GLIS1: variants seen among roughly 807,000 people sequenced by gnomAD.
The protein encoded by GLIS1 is zinc finger protein GLIS1.
GLIS1 carries 24 observed loss-of-function variants against 63.8 expected under a neutral mutation model. That is an observed-to-expected ratio of 0.38 (90% CI 0.27 to 0.53). The LOEUF (loss-of-function observed/expected upper bound fraction) is 0.53, where lower values mean the gene tolerates loss of function less well. Among genes scored for constraint, GLIS1 ranks in the 20% least tolerant of loss-of-function variants. GLIS1 has a pLI of 0.85. For synonymous variants in GLIS1, 450 were observed against 482.5 expected (o/e 0.93, Z 0.88); for missense variants, 1,036 against 1,074.1 (o/e 0.96, Z 0.50).
intron 4 of GLIS1, among the ~76,000 whole-genome samples, chr1:53,592,399 G>C (rs754942866): frequency 6.6e-6 from 1 of 152,118 alleles, no homozygotes; most frequent in Non-Finnish European, 1.5e-5. Flanking sequence ...AGGTTCCTTC[G>C]GGTCACAGAG....
chr1:53,594,861 GC>G lies in GLIS1; in HGVS notation c.566del (p.Gly189AlafsTer49). 1 of 1,585,694 alleles carries G rather than the reference GC, an allele frequency of 6.3e-7. No individual in the cohort carries two copies. The highest frequency in any genetic ancestry group is 1.1e-5 in the South Asian group (1 of 87,482). On this transcript the variant is annotated frameshift_variant, in exon 4 of 11. Coordinates refer to ENST00000628545, the MANE Select transcript of GLIS1 (RefSeq NM_001367484.1). LOFTEE classifies it high-confidence loss of function. Reference sequence around the variant, plus strand: ...CTGGGTGCAGGCCAGTGGCCAGCGGGCCCCGACAGTGGGCAGACAGGGATGT... The same window carrying G: ...CTGGGTGCAGGCCAGTGGCCAGCGGGCCCGACAGTGGGCAGACAGGGATGT... ...ARTSLSAHCR[G>X]PLATGLHPDL...
rs866910314 is a variant in GLIS1 at position 53,581,339 on chromosome 1, C to T, written c.1320+12769G>A. The stretch of plus-strand genomic sequence containing the variant: ...CACGACCCTGTGAGCTGCTGCAAAA[C>T]CCCCCACTTCATAGGACAAGAGTCC... On this transcript the variant is annotated intron_variant, in intron 4 of 10. Coordinates refer to ENST00000628545, the MANE Select transcript of GLIS1 (RefSeq NM_001367484.1). 2.6e-5 allele frequency among the ~76,000 whole-genome samples: 4 copies of T among 152,102 alleles called. No homozygotes were observed. In the South Asian group the frequency reaches 6.2e-4, roughly 24 times the overall value.
intron 4 of GLIS1, among the ~76,000 whole-genome samples, chr1:53,558,681 C>G (rs999562513): frequency 2.0e-5 from 3 of 152,218 alleles, no homozygotes; most frequent in Admixed American, 2.0e-4. Context: ...GTGCCCAGCA[C>G]CTGCCCATGG....
chr1:53,659,803 C>A (rs1404949628), intron 2 of GLIS1, among the ~76,000 whole-genome samples: 3 of 152,208 alleles, frequency 2.0e-5, no homozygotes, highest in Non-Finnish European at 4.4e-5. Flanking sequence ...GTAACAGATC[C>A]CACCTCAGTG....
chr1:53,565,491 TA>T (rs966082595), intron 4 of GLIS1, among the ~76,000 whole-genome samples: 2 of 151,772 alleles, frequency 1.3e-5, no homozygotes, highest in African/African-American at 4.8e-5. Context: ...TAATTTTTTT[TA>T]AAAAAGAAGG....
chr1:53,515,248 T>A (rs573746535), intron 7 of GLIS1, among the ~76,000 whole-genome samples: 1 of 151,754 alleles, frequency 6.6e-6, no homozygotes, highest in Non-Finnish European at 1.5e-5. Flanking sequence ...AGCTTGAGAG[T>A]AGACAGCAGC....
chr1:53,596,223 C>T (rs1645253959), intron 3 of GLIS1, among the ~76,000 whole-genome samples: 2 of 152,314 alleles, frequency 1.3e-5, no homozygotes, highest in Middle Eastern at 3.4e-3. Flanking sequence ...GGAGGCCAGG[C>T]TTAAATAACA....
intron 4 of GLIS1, among the ~76,000 whole-genome samples, chr1:53,537,357 G>A (rs533064367): frequency 2.0e-5 from 3 of 152,356 alleles, no homozygotes; most frequent in East Asian, 1.9e-4. Context: ...CTGGCGTGCC[G>A]CTGGCACTAG....
At chr1:53,733,696 ACC>A (rs1168534737) in intron 2 of GLIS1, among the ~76,000 whole-genome samples, 3 of 152,110 alleles carry the variant, frequency 2.0e-5, no homozygotes, top group Non-Finnish European at 4.4e-5. Context: ...CTCATTTTTT[ACC>A]CACACACATA....
At chr1:53,507,516 G>A (rs559930619) in intron 10 of GLIS1, among the ~76,000 whole-genome samples, 5 of 152,314 alleles carry the variant, frequency 3.3e-5, no homozygotes, top group African/African-American at 9.6e-5. Context: ...GCCCCTGCCC[G>A]AAAGGCCTGC....
At chr1:53,662,052 G>A (rs549420266) in intron 2 of GLIS1, among the ~76,000 whole-genome samples, 1 of 152,228 alleles carries the variant, frequency 6.6e-6, no homozygotes, top group East Asian at 1.9e-4. Flanking sequence ...GTAATCAAGG[G>A]GCTGAACTGC....
intron 2 of GLIS1, among the ~76,000 whole-genome samples, chr1:53,709,405 T>TACACACACAC (rs780900347): frequency 2.6e-4 from 30 of 117,202 alleles, no homozygotes; most frequent in African/African-American, 1.3e-3. Context: ...CATATACATA[T>TACACACACAC]ATATATACAC....
At chr1:53,619,489 AT>A (rs1432966024) in intron 2 of GLIS1, among the ~76,000 whole-genome samples, 1 of 152,212 alleles carries the variant, frequency 6.6e-6, no homozygotes, top group East Asian at 1.9e-4. Flanking sequence ...TGTGCTAAAC[AT>A]TTCATCTAAG....
intron 2 of GLIS1, among the ~76,000 whole-genome samples, chr1:53,682,357 G>A (rs1646284967): frequency 6.6e-6 from 1 of 152,274 alleles, no homozygotes; most frequent in South Asian, 2.1e-4. Context: ...CACAGTCCCT[G>A]CATCCCTGCA....
chr1:53,561,652 G>A (rs993590493), intron 4 of GLIS1, among the ~76,000 whole-genome samples: 1 of 152,188 alleles, frequency 6.6e-6, no homozygotes, highest in Non-Finnish European at 1.5e-5. Context: ...CTGGGGTGGG[G>A]GCTGGCTGCA....
intron 4 of GLIS1, among the ~76,000 whole-genome samples, chr1:53,542,247 G>A (rs981571049): frequency 4.6e-5 from 7 of 152,234 alleles, no homozygotes; most frequent in East Asian, 1.9e-4. Context: ...CCACTCAAGC[G>A]CCGGGGGGAA....
chr1:53,721,798 G>A (rs556534839), intron 2 of GLIS1, among the ~76,000 whole-genome samples: 4 of 152,106 alleles, frequency 2.6e-5, no homozygotes, highest in Admixed American at 2.6e-4. Flanking sequence ...AGCAATGAAA[G>A]AAAAGACAAA....
chr1:53,589,043 T>C (rs1320569943), intron 4 of GLIS1, among the ~76,000 whole-genome samples: 1 of 152,226 alleles, frequency 6.6e-6, no homozygotes, highest in Non-Finnish European at 1.5e-5. Flanking sequence ...ATATGGTTGG[T>C]ATCTACCTCC....
chr1:53,624,860 TAAAC>T (rs1379979951), intron 2 of GLIS1, among the ~76,000 whole-genome samples: 5 of 152,242 alleles, frequency 3.3e-5, no homozygotes, highest in East Asian at 1.9e-4. Context: ...AATAAAATGA[TAAAC>T]AACCCAATTT....
Sources: gnomAD v4.1 joint callset for allele counts (sites outside exome capture counted in the v4.1 genomes callset) on GRCh38, gnomAD v4.1.1 for gene constraint, MANE v1.5 for transcripts, NCBI Gene and HGNC (gene_info 2026-07-23, HGNC 2026-07-21) for gene names.